The following PDE8B variants were observed in gnomAD, a reference collection of about 807,000 sequenced individuals.
PDE8B encodes the protein high affinity cAMP-specific and IBMX-insensitive 3',5'-cyclic phosphodiesterase 8B.
Under a neutral mutation model 101.3 loss-of-function variants are expected in PDE8B, and 26 were observed. That is an observed-to-expected ratio of 0.26 (90% CI 0.19 to 0.36). The LOEUF (loss-of-function observed/expected upper bound fraction) is 0.36. Ranked by LOEUF, PDE8B falls within the 10% of genes least tolerant of loss-of-function variation. The pLI, the probability that PDE8B is intolerant of heterozygous loss-of-function variation, is 1.00. For missense variants in PDE8B, 810 were observed against 1,163.1 expected, an observed-to-expected ratio of 0.70 and a Z score of 4.42; for synonymous variants, 424 against 429.3, an observed-to-expected ratio of 0.99 and a Z score of 0.15.
the PDE8B span, among the ~76,000 whole-genome samples, chr5:77,109,524 A>G: frequency 2.1e-4 from 32 of 152,240 alleles, no homozygotes; most frequent in African/African-American, 7.0e-4. Flanking sequence ...GTTAAATTGC[A>G]GAGGGCAGAC....
At chr5:77,169,771 C>CT in the PDE8B span, among the ~76,000 whole-genome samples, 2 of 152,108 alleles carry the variant, frequency 1.3e-5, no homozygotes, top group Admixed American at 1.3e-4. Context: ...TCCAGTGTGT[C>CT]TAAGAAGAAT....
In PDE8B at chr5:77,378,009, TACACACACACACACAC is replaced by T. The variant is rs3031820; in HGVS notation, c.1168-22214_1168-22199del. Among the ~76,000 whole-genome samples, 39 of 134,484 alleles carry T rather than the reference TACACACACACACACAC, an allele frequency of 2.9e-4. 1 individual carries two copies. The South Asian group carries it at 3.3e-3, about 11-fold the overall frequency. The allele number at this position is 134,484 out of a possible 152,430, so 88.2% of individuals were successfully genotyped here. On this transcript the variant is annotated intron_variant, in intron 10 of 21. Transcript: ENST00000264917. ...CTTGCTCGCTCTCTCCCTCTCTCTC[TACACACACACACACAC>T]ACACACACACACACACACACACACC...
At chr5:77,343,340 C>T (rs573355510) in intron 6 of PDE8B, among the ~76,000 whole-genome samples, 14 of 152,278 alleles carry the variant, frequency 9.2e-5, no homozygotes, top group Non-Finnish European at 4.4e-5. Flanking sequence ...CACAAGCCTA[C>T]GTGGTATAGC....
the PDE8B span, among the ~76,000 whole-genome samples, chr5:77,173,886 T>C: frequency 6.6e-6 from 1 of 152,188 alleles, no homozygotes; most frequent in African/African-American, 2.4e-5. Flanking sequence ...GGAATAACTC[T>C]CCATTTGCAG....
chr5:77,146,269 G>A, the PDE8B span: 1 of 152,184 alleles, frequency 6.6e-6, no homozygotes, highest in Non-Finnish European at 1.5e-5. Context: ...GTGTGAGAGG[G>A]ACACAAATCA....
chr5:77,367,125 G>A (rs1478860671), intron 10 of PDE8B, among the ~76,000 whole-genome samples: 1 of 151,874 alleles, frequency 6.6e-6, no homozygotes, highest in Non-Finnish European at 1.5e-5. Context: ...TTAGAAAGAG[G>A]AGGGTATGCT....
chr5:77,285,067 C>A (rs1332756956), intron 1 of PDE8B, among the ~76,000 whole-genome samples: 1 of 152,140 alleles, frequency 6.6e-6, no homozygotes, highest in Non-Finnish European at 1.5e-5. Flanking sequence ...TAATTTTCCT[C>A]CCTTTCATTT....
At chr5:77,263,964 A>G (rs1213315112) in intron 1 of PDE8B, among the ~76,000 whole-genome samples, 1 of 152,190 alleles carries the variant, frequency 6.6e-6, no homozygotes, top group African/African-American at 2.4e-5. Context: ...CAGCCCCAGA[A>G]AAACACAAAC....
At chr5:77,143,575 G>T in the PDE8B span, among the ~76,000 whole-genome samples, 1 of 152,218 alleles carries the variant, frequency 6.6e-6, no homozygotes, top group African/African-American at 2.4e-5. Context: ...GGAGCCAGGG[G>T]AGACAAAGTA....
intron 1 of PDE8B, among the ~76,000 whole-genome samples, chr5:77,229,764 T>C (rs1187018698): frequency 6.6e-6 from 1 of 152,214 alleles, no homozygotes; most frequent in South Asian, 2.1e-4. Context: ...GAAGTATATA[T>C]CAGTACTGCG....
chr5:77,344,769 G>A (rs1779855759), intron 6 of PDE8B, 84 bp from the exon 7 acceptor site: 1 of 879,926 alleles, frequency 1.1e-6, no homozygotes, highest in Non-Finnish European at 2.0e-6. Context: ...GATGAACCTG[G>A]TATCTGTTTA....
chr5:77,132,632 T>C, the PDE8B span, among the ~76,000 whole-genome samples: 1 of 152,344 alleles, frequency 6.6e-6, no homozygotes, highest in South Asian at 2.1e-4. Flanking sequence ...GAGCCCTCCA[T>C]CCCTCTGCTC....
chr5:77,181,039 G>A, the PDE8B span, among the ~76,000 whole-genome samples: 1 of 151,732 alleles, frequency 6.6e-6, no homozygotes, highest in Admixed American at 6.6e-5. Flanking sequence ...CAGCGCTCGG[G>A]ACTCTGCAAT....
At chr5:77,104,678 G>A in the PDE8B span, 1 of 152,166 alleles carries the variant, frequency 6.6e-6, no homozygotes, top group Non-Finnish European at 1.5e-5. Context: ...TGTTTATAAT[G>A]TACTCAGTCT....
chr5:77,211,470 A>T lies in PDE8B; in HGVS notation c.339+206A>T, dbSNP rs1748393109. On this transcript the variant is annotated intron_variant, in intron 1 of 21. Transcript: ENST00000264917. The surrounding 1 kb of genome is among the most constrained non-coding windows in gnomAD (Gnocchi z 4.1). ...AAAAAGGCCCCTGGAGGGGTCCTGG[A>T]AGCGTCCTTAGCTGGTCCTGGGGGA... Among the ~76,000 whole-genome samples, 1 of 152,218 alleles carries T rather than the reference A, an allele frequency of 6.6e-6. No homozygotes were observed. The highest frequency in any genetic ancestry group is 2.1e-4 in the South Asian group (1 of 4,834).
intron 1 of PDE8B, among the ~76,000 whole-genome samples, chr5:77,231,497 T>A (rs1278531605): frequency 6.6e-6 from 1 of 152,250 alleles, no homozygotes; most frequent in Non-Finnish European, 1.5e-5. Context: ...ATCACCTTCG[T>A]TTCTGTCTTT....
chr5:77,395,518 C>T (rs1045291208), intron 10 of PDE8B, among the ~76,000 whole-genome samples: 3 of 151,126 alleles, frequency 2.0e-5, no homozygotes, highest in African/African-American at 7.3e-5. Context: ...TAAAAATTTA[C>T]CTTTTAAAAT....
At chr5:77,421,284 C>T (rs549299358) in intron 19 of PDE8B, among the ~76,000 whole-genome samples, 1 of 152,100 alleles carries the variant, frequency 6.6e-6, no homozygotes, top group African/African-American at 2.4e-5. Flanking sequence ...AACCAAAGTG[C>T]GAGAGAGTTG....
In PDE8B at chr5:77,421,736, A is replaced by G. The variant is rs927759154; in HGVS notation, c.2251-85A>G. On this transcript the variant is annotated intron_variant, in intron 19 of 21. Transcript: ENST00000264917. The stretch of plus-strand genomic sequence containing the variant: ...CCCAGTCCTACCTGTGTGCTCGGTG[A>G]TCACCATCGAATGCCTGGCGAATTA... The G allele has an allele frequency of 9.1e-6, 12 of 1,313,836 alleles. No individual in the cohort carries two copies. The African/African-American group carries it at 1.6e-4, about 17-fold the overall frequency. 81.4% of individuals were successfully genotyped at this position (1,313,836 alleles called of 1,614,324 possible). A position where few individuals can be genotyped will look rare whatever the true frequency, so the allele number is the denominator to read the frequency against.
Sources: gnomAD v4.1 joint callset for allele counts (sites outside exome capture counted in the v4.1 genomes callset) on GRCh38, gnomAD v4.1.1 for gene constraint, Gnocchi (gnomAD v3.1) non-coding constraint, MANE v1.5 for transcripts, NCBI Gene and HGNC (gene_info 2026-07-23, HGNC 2026-07-21) for gene names.